Variants in LY75 observed in about 807,000 individuals in gnomAD.
The protein encoded by LY75 is lymphocyte antigen 75.
In LY75, 185 loss-of-function variants were observed where a neutral mutation model predicts 231.7. The observed-to-expected ratio is 0.80, with a 90% CI of 0.71 to 0.90. LY75 has a LOEUF of 0.90. Among genes scored for constraint, LY75 ranks in the 40% least tolerant of loss-of-function variants. The pLI is 0.00. For synonymous variants in LY75, 668 were observed against 689.0 expected, an observed-to-expected ratio of 0.97 and a Z score of 0.48; for missense variants, 1,947 against 2,050.2, an observed-to-expected ratio of 0.95 and a Z score of 0.97.
chr2:159,883,486 T>C (rs1310318095), intron 6 of LY75, among the ~76,000 whole-genome samples: 1 of 152,176 alleles, frequency 6.6e-6, no homozygotes, highest in Non-Finnish European at 1.5e-5. Context: ...AATGCAATCA[T>C]TTTCATATTC....
chr2:159,840,212 C>G (rs1683974861), intron 25 of LY75, among the ~76,000 whole-genome samples: 1 of 151,908 alleles, frequency 6.6e-6, no homozygotes, highest in Non-Finnish European at 1.5e-5. Flanking sequence ...CCACCAGAAC[C>G]TTTTCCTCAT....
At chr2:159,873,917 TA>T (rs1158972126) in intron 12 of LY75, among the ~76,000 whole-genome samples, 22 of 21,764 alleles carry the variant, frequency 1.0e-3, no homozygotes, top group Non-Finnish European at 1.7e-3. Context: ...TAAACGTATA[TA>T]TTTTGTAAAA....
chr2:159,810,643 T>C lies in LY75; in HGVS notation c.4582A>G (p.Arg1528Gly). The C allele has an allele frequency of 6.2e-7, 1 of 1,613,984 alleles. No individual in the cohort carries two copies. The highest frequency in any genetic ancestry group is 1.1e-5 in the South Asian group (1 of 91,056). ...KKLSRLTYSS[R>G]CPAAKENGSR... ...CCATTCTCTTTTGCTGCTGGACATC[T>C]TGATGAATATGTAAGACGGGACAGC... The change falls in exon 32 of 35, where the codon AGA (arginine) becomes GGA (glycine). Residue 1528 changes from arginine to glycine, a missense_variant. Arg to Gly is a moderately radical substitution (Grantham distance 125, BLOSUM62 -2). Coordinates refer to ENST00000263636, the MANE Select transcript of LY75 (RefSeq NM_002349.4).
chr2:159,898,227 G>A (rs539306677), intron 2 of LY75, among the ~76,000 whole-genome samples: 1 of 152,270 alleles, frequency 6.6e-6, no homozygotes, highest in Non-Finnish European at 1.5e-5. Flanking sequence ...TGATCCTGCT[G>A]CCTCAGTCTC....
chr2:159,880,703 C>T (rs544528964), intron 8 of LY75, among the ~76,000 whole-genome samples: 1 of 152,258 alleles, frequency 6.6e-6, no homozygotes, highest in African/African-American at 2.4e-5. Context: ...ACACCAGGGA[C>T]CAGTTTTGTG....
chr2:159,819,303 G>A (rs1227067521), intron 29 of LY75, among the ~76,000 whole-genome samples: 7 of 152,128 alleles, frequency 4.6e-5, no homozygotes, highest in Admixed American at 2.6e-4. Context: ...CATTCACTTT[G>A]CACGGAATGT....
At chr2:159,864,398 T>C (rs544568822) in intron 14 of LY75, among the ~76,000 whole-genome samples, 2 of 152,264 alleles carry the variant, frequency 1.3e-5, no homozygotes, top group African/African-American at 2.4e-5. Context: ...CTTTAATTCA[T>C]TTGGAGTTGA....
chr2:159,882,149 C>G lies in LY75; in HGVS notation c.1221G>C (p.Val407=). 1 of 1,612,586 alleles carries G rather than the reference C, an allele frequency of 6.2e-7. No homozygotes were observed. Among genetic ancestry groups the G allele is most frequent in the South Asian group, 1.1e-5 (1 of 90,778 alleles). ...ISIHSLADVE[V]VVTKLHNEDI... ...CCTCATTATGGAGTTTTGTGACAACCACCTCCACATCTGCTAGAGAATGAA... is the reference window on the plus strand; with the variant it reads ...CCTCATTATGGAGTTTTGTGACAACGACCTCCACATCTGCTAGAGAATGAA... Residue 407 remains valine, a synonymous_variant, in exon 7 of 35, where the codon GTG becomes GTC. Coordinates refer to ENST00000263636, the MANE Select transcript of LY75 (RefSeq NM_002349.4).
At chr2:159,810,399 GCGCT>G (rs1399242819) in intron 32 of LY75, 123 bp downstream of exon 32, 1 of 1,274,626 alleles carries the variant, frequency 7.8e-7, no homozygotes, top group African/African-American at 1.5e-5. Flanking sequence ...TTAGTTTATA[GCGCT>G]ATTAGAAATG....
intron 9 of LY75, among the ~76,000 whole-genome samples, chr2:159,878,973 T>C (rs1295580843): frequency 6.6e-6 from 1 of 152,190 alleles, no homozygotes; most frequent in African/African-American, 2.4e-5. Flanking sequence ...GAGTATAATA[T>C]TCACTGGATG....
chr2:159,879,123 C>G, intron 9 of LY75, 136 bp downstream of exon 9: 1 of 996,226 alleles, frequency 1.0e-6, no homozygotes. Context: ...TGCCTTCTGG[C>G]TTGTTCTAAC....
chr2:159,883,370 C>T (rs542563166), intron 6 of LY75, among the ~76,000 whole-genome samples: 4 of 150,868 alleles, frequency 2.7e-5, no homozygotes, highest in South Asian at 2.1e-4. Context: ...CTTACACTTG[C>T]GAGATAACTC....
rs550579300 is a variant in LY75 at position 159,880,005 on chromosome 2, C to G, written c.1405-636G>C. Among the ~76,000 whole-genome samples the G allele has an allele frequency of 1.1e-4, 16 of 152,308 alleles. 1 individual carries two copies. Among genetic ancestry groups the G allele is most frequent in the African/African-American group, 3.6e-4 (15 of 41,558 alleles). On this transcript the variant is annotated intron_variant, in intron 8 of 34. Transcript: ENST00000263636. ...GCTGTCTAGGTATGCCATCAATTCA[C>G]TCTTGCCCATGGGAACACTTTTCCA...
chr2:159,843,610 A>ATTGAG (rs1684109086), intron 23 of LY75, among the ~76,000 whole-genome samples: 1 of 152,118 alleles, frequency 6.6e-6, no homozygotes, highest in Non-Finnish European at 1.5e-5. Context: ...CAGATAAGAA[A>ATTGAG]TTGAGGCTTA....
Position 159,853,616 on chromosome 2 carries a change from A to G in LY75, c.2663+14T>C, listed in dbSNP as rs1207267093. 1 of 1,613,226 alleles carries G rather than the reference A, an allele frequency of 6.2e-7. No individual in the cohort carries two copies. Among genetic ancestry groups the G allele is most frequent in the East Asian group, 2.2e-5 (1 of 44,802 alleles). ...TGATAACTTTACAAAGGTAGAATCA[A>G]TGATGTCACCTACTATGTAAAATGA... On this transcript the variant is annotated intron_variant, in intron 19 of 34. Coordinates refer to ENST00000263636, the MANE Select transcript of LY75 (RefSeq NM_002349.4).
chr2:159,873,523 C>G (rs1000174387), intron 12 of LY75, among the ~76,000 whole-genome samples: 4 of 152,112 alleles, frequency 2.6e-5, no homozygotes, highest in African/African-American at 7.2e-5. Flanking sequence ...CACAGCTGAC[C>G]TGAAGTTGGG....
At position 159,849,980 on chromosome 2, in the gene LY75, A is replaced by G. The variant is rs758573253; in HGVS notation, c.3150T>C (p.Asn1050=). The change falls in exon 23 of 35, where the codon AAT becomes AAC. Residue 1050 remains asparagine (N), a splice_region_variant and synonymous_variant. Transcript: ENST00000263636. ...AGTATTGGTTTTTAAAAAAACTTAC[A>G]TTTTCTGGTATTCTCAGCCTCCCAC... ...LVSGRLRIPE[N]FFEEESRYHC... is the part of the protein sequence containing the mutation. The G allele has an allele frequency of 5.6e-6, 9 of 1,607,664 alleles. No individual in the cohort carries two copies. In the Middle Eastern group the frequency reaches 1.5e-3, roughly 268 times the overall value.
At chr2:159,898,656 C>T in intron 2 of LY75, 32 bp downstream of exon 2, 1 of 1,580,592 alleles carries the variant, frequency 6.3e-7, no homozygotes, top group Non-Finnish European at 8.6e-7. Flanking sequence ...AGCACAACAG[C>T]AAATCGGTCA....
rs954501168 is a variant in LY75 at position 159,834,334 on chromosome 2, C to T, written c.3674-123G>A. ...GCCGAGAAGTAATATCCTGGTGAAG[C>T]CTGTCTCTGTTTATACTCAGATATA... On this transcript the variant is annotated intron_variant, in intron 26 of 34. Coordinates refer to ENST00000263636, the MANE Select transcript of LY75 (RefSeq NM_002349.4). 8 of 1,281,544 alleles carry T rather than the reference C, an allele frequency of 6.2e-6. No individual in the cohort carries two copies. The African/African-American group carries it at 7.6e-5, about 12-fold the overall frequency. The allele number at this position is 1,281,544 out of a possible 1,614,324, so 79.4% of individuals were successfully genotyped here.
Sources: allele counts gnomAD v4.1 joint callset (sites outside exome capture counted in the v4.1 genomes callset), GRCh38; gene constraint gnomAD v4.1.1; transcripts MANE v1.5; gene names NCBI Gene and HGNC (gene_info 2026-07-23, HGNC 2026-07-21).